Variants in PAX3 observed in about 807,000 individuals in gnomAD.
PAX3 encodes the protein paired box protein Pax-3.
A neutral mutation model predicts 51.6 loss-of-function variants in PAX3; 14 were observed. That is an observed-to-expected ratio of 0.27 (90% CI 0.18 to 0.42). The LOEUF is 0.42. Among genes scored for constraint, PAX3 ranks in the 10% least tolerant of loss-of-function variants. PAX3 has a pLI of 1.00. For synonymous variants in PAX3, 280 were observed against 253.4 expected (o/e 1.11, Z -1.00); for missense variants, 540 against 642.8 (o/e 0.84, Z 1.73).
intron 4 of PAX3, among the ~76,000 whole-genome samples, chr2:222,251,998 T>C (rs895322600): frequency 2.0e-5 from 3 of 152,182 alleles, no homozygotes; most frequent in Admixed American, 2.0e-4. Flanking sequence ...TGTAACAGAC[T>C]ATTCCAAAGG....
At chr2:222,237,207 A>G (rs1228999531) in intron 4 of PAX3, among the ~76,000 whole-genome samples, 2 of 152,138 alleles carry the variant, frequency 1.3e-5, no homozygotes, top group African/African-American at 4.8e-5. Context: ...GAGGTTGTTC[A>G]GTTCATACAG....
intron 4 of PAX3, among the ~76,000 whole-genome samples, chr2:222,291,085 C>G (rs1463394280): frequency 6.6e-6 from 1 of 152,014 alleles, no homozygotes; most frequent in Non-Finnish European, 1.5e-5. Flanking sequence ...CGCTTTGGCG[C>G]AGAGCACAGG....
At chr2:222,212,759 A>G (rs1691794798) in intron 7 of PAX3, among the ~76,000 whole-genome samples, 1 of 152,208 alleles carries the variant, frequency 6.6e-6, no homozygotes, top group Non-Finnish European at 1.5e-5. Context: ...CAGATTTCTG[A>G]AGATATTGCC....
intron 4 of PAX3, among the ~76,000 whole-genome samples, chr2:222,260,565 GTT>G (rs869129158): frequency 2.9e-4 from 16 of 55,846 alleles, no homozygotes; most frequent in Admixed American, 4.5e-4. Context: ...TTTTTTTTTT[GTT>G]TTTTTTTTTT....
chr2:222,230,961 T>C (rs1168926927), intron 5 of PAX3, among the ~76,000 whole-genome samples: 1 of 152,164 alleles, frequency 6.6e-6, no homozygotes, highest in East Asian at 1.9e-4. Flanking sequence ...ATTATTTGTA[T>C]GTTTATTTTT....
intron 4 of PAX3, among the ~76,000 whole-genome samples, chr2:222,253,855 A>C (rs373796053): frequency 5.3e-5 from 8 of 151,856 alleles, no homozygotes; most frequent in Non-Finnish European, 1.0e-4. Context: ...GGCTCTCACT[A>C]TGTTGCCCAG....
Position 222,238,451 on chromosome 2 carries a change from A to G in PAX3, c.587-6168T>C, listed in dbSNP as rs377183454. Among the ~76,000 whole-genome samples the G allele has an allele frequency of 1.9e-4, 29 of 152,320 alleles. 1 individual carries two copies. The highest frequency in any genetic ancestry group is 9.8e-4 in the Admixed American group (15 of 15,298). On this transcript the variant is annotated intron_variant, in intron 4 of 8. Transcript: ENST00000392070. ...ATGGGAGACAGGCAAAAAATGGAGAAACAAAATAATTCACAAGCATGAATT... is the reference window on the plus strand; with the variant it reads ...ATGGGAGACAGGCAAAAAATGGAGAGACAAAATAATTCACAAGCATGAATT...
At chr2:222,218,488 G>A (rs115247478) in intron 7 of PAX3, among the ~76,000 whole-genome samples, 3,227 of 152,248 alleles carry the variant, frequency 0.021, 108 homozygotes, top group African/African-American at 0.074. Context: ...AGCAGCTAGG[G>A]CAGGAGTTTA....
In PAX3 at chr2:222,221,557, G is replaced by A. The variant is rs1692193035; in HGVS notation, c.793-170C>T. The A allele has an allele frequency of 3.0e-6, 2 of 661,814 alleles. 1 individual carries two copies. Among genetic ancestry groups the A allele is most frequent in the South Asian group, 3.5e-5 (2 of 57,098 alleles). 41.0% of individuals were successfully genotyped at this position (661,814 alleles called of 1,614,324 possible). On this transcript the variant is annotated intron_variant, in intron 5 of 8. Coordinates refer to ENST00000392070, the MANE Select transcript of PAX3 (RefSeq NM_181458.4). ...GCGAATTGTCAGGAGTAAAAGAAGAGTTTAGTGTCAAAGGTCAGTAGAGGG... is the reference window on the plus strand; with the variant it reads ...GCGAATTGTCAGGAGTAAAAGAAGAATTTAGTGTCAAAGGTCAGTAGAGGG...
chr2:222,252,916 G>A (rs68007555), intron 4 of PAX3, among the ~76,000 whole-genome samples: 14,554 of 152,138 alleles, frequency 0.096, 896 homozygotes, highest in East Asian at 0.32. Flanking sequence ...TTAGCTTACT[G>A]ATGATCATTG....
intron 3 of PAX3, among the ~76,000 whole-genome samples, chr2:222,295,192 G>A (rs2106199390): frequency 6.6e-6 from 1 of 152,230 alleles, no homozygotes; most frequent in Middle Eastern, 3.4e-3. Context: ...CCCTTCGGTT[G>A]GGGTTACCAA....
At position 222,201,064 on chromosome 2, in the gene PAX3, C is replaced by G. The variant is rs1362442550; in HGVS notation, c.*344G>C. The G allele has an allele frequency of 1.2e-5, 14 of 1,207,190 alleles. No individual in the cohort carries two copies. The East Asian group carries it at 3.5e-4, about 30-fold the overall frequency. The allele number at this position is 1,207,190 out of a possible 1,614,324, so 74.8% of individuals were successfully genotyped here. ...ACACACACACACACACGCACGCACG[C>G]ACACAAGCAAATGGAATGTTCTAGC... On this transcript the variant is annotated 3_prime_UTR_variant, in exon 9 of 9. Coordinates refer to ENST00000392070, the MANE Select transcript of PAX3 (RefSeq NM_181458.4).
intron 4 of PAX3, among the ~76,000 whole-genome samples, chr2:222,286,700 C>T (rs1192686109): frequency 6.6e-6 from 1 of 152,232 alleles, no homozygotes; most frequent in Non-Finnish European, 1.5e-5. Flanking sequence ...AAATTCTTAA[C>T]ACTGTTGCCC....
rs1691281544 is a variant in PAX3, at chr2:222,201,299, C to CT, written c.*108_*109insA. 6.5e-7 allele frequency: 1 copy of CT among 1,548,454 alleles called. No individual in the cohort carries two copies. Among genetic ancestry groups the CT allele is most frequent in the East Asian group, 2.5e-5 (1 of 39,808 alleles). On this transcript the variant is annotated 3_prime_UTR_variant, in exon 9 of 9. Transcript: ENST00000392070. Reference sequence around the variant, plus strand: ...GTCTCCTATTGGGACCACTGCCCCACCCCCCCCAACAAAAGGGTAATTTTT... The same window carrying CT: ...GTCTCCTATTGGGACCACTGCCCCACTCCCCCCCAACAAAAGGGTAATTTTT...
intron 1 of PAX3, among the ~76,000 whole-genome samples, chr2:222,297,897 C>T (rs1335338888): frequency 2.6e-5 from 4 of 152,158 alleles, no homozygotes; most frequent in African/African-American, 9.7e-5. Flanking sequence ...GGCGCCCTAA[C>T]CTGGAAAACC....
chr2:222,298,897 G>C lies in PAX3; in HGVS notation c.-282C>G. ...GTCTGGGCAAATGTTCCAGCGACTG[G>C]GGTCCCTGAAAAGGGGGCTCAGAGA... On this transcript the variant is annotated 5_prime_UTR_variant, in exon 1 of 9. Coordinates refer to ENST00000392070, the MANE Select transcript of PAX3 (RefSeq NM_181458.4). The C allele has an allele frequency of 1.8e-6, 1 of 541,108 alleles. No homozygotes were observed. The highest frequency in any genetic ancestry group is 3.3e-6 in the Non-Finnish European group (1 of 300,558). The allele number at this position is 541,108 out of a possible 1,614,324, so 33.5% of individuals were successfully genotyped here.
chr2:222,264,903 C>T (rs1461165048), intron 4 of PAX3: 1 of 152,262 alleles, frequency 6.6e-6, no homozygotes, highest in Non-Finnish European at 1.5e-5. Flanking sequence ...ATGCTGTTCA[C>T]TCTGCCAGTA....
chr2:222,234,102 T>C (rs549217747), intron 4 of PAX3, among the ~76,000 whole-genome samples: 1 of 152,358 alleles, frequency 6.6e-6, no homozygotes, highest in East Asian at 1.9e-4. Flanking sequence ...TTTTCAGTTT[T>C]CTAACATTTT....
At chr2:222,252,328 C>T (rs898313163) in intron 4 of PAX3, among the ~76,000 whole-genome samples, 9 of 152,248 alleles carry the variant, frequency 5.9e-5, no homozygotes, top group African/African-American at 2.2e-4. Context: ...TTACTATGCA[C>T]CAGGTGCCAT....
Sources: gnomAD v4.1 joint callset for allele counts (sites outside exome capture counted in the v4.1 genomes callset) on GRCh38, gnomAD v4.1.1 for gene constraint, MANE v1.5 for transcripts, NCBI Gene and HGNC (gene_info 2026-07-23, HGNC 2026-07-21) for gene names.